Variants in PPHLN1 observed in about 807,000 individuals in gnomAD.
PPHLN1 encodes the protein periphilin-1.
A neutral mutation model predicts 51.3 loss-of-function variants in PPHLN1; 29 were observed. The ratio of observed to expected loss-of-function variants is 0.57; its 90% CI spans 0.42 to 0.77. The LOEUF (loss-of-function observed/expected upper bound fraction) is 0.77. Among genes scored for constraint, PPHLN1 ranks in the 30% least tolerant of loss-of-function variants. PPHLN1 has a pLI of 0.00. For synonymous variants in PPHLN1, 147 were observed against 147.8 expected, an observed-to-expected ratio of 0.99 and a Z score of 0.04; for missense variants, 436 against 438.4, an observed-to-expected ratio of 0.99 and a Z score of 0.05.
chr12:42,414,728 A>G (rs564223241), intron 9 of PPHLN1, among the ~76,000 whole-genome samples: 5 of 152,268 alleles, frequency 3.3e-5, no homozygotes, highest in South Asian at 2.1e-4. Context: ...ACGAACAGCA[A>G]TAGTTTGACT....
At chr12:42,396,636 A>AAAAAAAAAAAAAAG (rs2078236311) in intron 8 of PPHLN1, among the ~76,000 whole-genome samples, 1 of 77,246 alleles carries the variant, frequency 1.3e-5, no homozygotes, top group Admixed American at 1.5e-4. Flanking sequence ...AAAAAAAAAA[A>AAAAAAAAAAAAAAG]AAAAAAAAAA....
At chr12:42,326,747 C>G (rs995105766) in intron 1 of PPHLN1, among the ~76,000 whole-genome samples, 1 of 152,170 alleles carries the variant, frequency 6.6e-6, no homozygotes, top group Non-Finnish European at 1.5e-5. Context: ...TCTATAATGG[C>G]TACGCACTGC....
chr12:42,352,904 C>T (rs1162467404), intron 3 of PPHLN1, among the ~76,000 whole-genome samples: 2 of 151,842 alleles, frequency 1.3e-5, no homozygotes, highest in Non-Finnish European at 2.9e-5. Context: ...GTCTGGCCAA[C>T]ATGGTGAAAC....
intron 9 of PPHLN1, chr12:42,432,131 AC>A (rs1272035816): frequency 8.1e-6 from 10 of 1,234,216 alleles, no homozygotes; most frequent in African/African-American, 1.5e-5. Context: ...TCCTGCTGTC[AC>A]GCTGATGTCG....
chr12:42,419,192 A>G (rs951793000), intron 9 of PPHLN1, among the ~76,000 whole-genome samples: 1 of 152,118 alleles, frequency 6.6e-6, no homozygotes, highest in Non-Finnish European at 1.5e-5. Flanking sequence ...ATTCTTTCAT[A>G]TGTGTGTTTT....
At chr12:42,433,504 T>C (rs556492688) in intron 9 of PPHLN1, 1 of 240,110 alleles carries the variant, frequency 4.2e-6, no homozygotes, top group Non-Finnish European at 8.2e-6. Context: ...TTCTATTTTT[T>C]AGTAGAGACG....
intron 1 of PPHLN1, among the ~76,000 whole-genome samples, chr12:42,333,047 G>A (rs1466613659): frequency 1.3e-5 from 2 of 152,078 alleles, no homozygotes; most frequent in Non-Finnish European, 2.9e-5. Context: ...AGAGGCAATT[G>A]CTGTTGCATT....
At position 42,352,035 on chromosome 12, in the gene PPHLN1, C is replaced by G. The variant is rs776469029; in HGVS notation, c.223C>G (p.Pro75Ala). ...TTTTTCTCATGATCGAAGAAGTGGT[C>G]CACCTCACAGAGGAGTATGTAAATT... ...RSFSHDRRSGPPHRGDESGYR... is the reference protein window; with the variant it reads ...RSFSHDRRSGAPHRGDESGYR... The change falls in exon 3 of 10, where the codon CCA becomes GCA. Residue 75 changes from proline to alanine, a missense_variant. By Grantham distance (27) the Pro-to-Ala change is conservative. Coordinates refer to ENST00000358314, the MANE Select transcript of PPHLN1 (RefSeq NM_201439.2). 1 of 1,527,710 alleles carries G rather than the reference C, an allele frequency of 6.5e-7. No individual in the cohort carries two copies. The highest frequency in any genetic ancestry group is 8.7e-7 in the Non-Finnish European group (1 of 1,143,706). The allele number at this position is 1,527,710 out of a possible 1,614,324, so 94.6% of individuals were successfully genotyped here. A position where few individuals can be genotyped will look rare whatever the true frequency, so the allele number is the denominator to read the frequency against.
downstream of PPHLN1, chr12:42,448,595 G>A (rs879688280): frequency 9.2e-5 from 14 of 152,140 alleles, no homozygotes; most frequent in Non-Finnish European, 2.1e-4. Context: ...AATTAAAAGT[G>A]CAAAATAAAG....
At chr12:42,394,359 CAGGT>C (rs2078005482) in intron 8 of PPHLN1, among the ~76,000 whole-genome samples, 1 of 152,020 alleles carries the variant, frequency 6.6e-6, no homozygotes, top group African/African-American at 2.4e-5. Context: ...TTTGACATGA[CAGGT>C]AGAGAATATA....
At chr12:42,411,370 TA>T (rs2079804763) in intron 9 of PPHLN1, among the ~76,000 whole-genome samples, 2 of 76,320 alleles carry the variant, frequency 2.6e-5, no homozygotes, top group African/African-American at 6.4e-5. Flanking sequence ...CTACAGCAGT[TA>T]CTACTGTTAC....
Position 42,335,953 on chromosome 12 carries a change from A to T in PPHLN1, c.51A>T (p.Ala17=). Residue 17 remains alanine (A), a synonymous_variant, in exon 2 of 10, where the codon GCA becomes GCT. Coordinates refer to ENST00000358314, the MANE Select transcript of PPHLN1 (RefSeq NM_201439.2). ...YEYERIPRER[A]PPRSHPSDGY... ...ATGAAAGAATTCCGAGAGAACGAGC[A>T]CCTCCTCGAAGTCATCCCAGTGTAA... is the stretch of plus-strand genomic sequence containing the variant. 6.3e-7 allele frequency: 1 copy of T among 1,586,880 alleles called. No homozygotes were observed. Among genetic ancestry groups the T allele is most frequent in the Non-Finnish European group, 8.6e-7 (1 of 1,164,984 alleles).
At chr12:42,409,469 G>A (rs138877429) in intron 9 of PPHLN1, among the ~76,000 whole-genome samples, 1 of 152,192 alleles carries the variant, frequency 6.6e-6, no homozygotes, top group East Asian at 1.9e-4. Flanking sequence ...TAATGTGCTT[G>A]GGAAACAGTC....
intron 9 of PPHLN1, among the ~76,000 whole-genome samples, chr12:42,437,803 T>C (rs1256083756): frequency 6.6e-6 from 1 of 152,198 alleles, no homozygotes; most frequent in Non-Finnish European, 1.5e-5. Flanking sequence ...ACAGCATAAT[T>C]TCATCTGCCT....
chr12:42,386,545 C>T (rs1046507465), intron 6 of PPHLN1, among the ~76,000 whole-genome samples: 3 of 152,188 alleles, frequency 2.0e-5, no homozygotes, highest in African/African-American at 7.2e-5. Context: ...GACTGCTTTG[C>T]TGTTAATCCA....
intron 9 of PPHLN1, among the ~76,000 whole-genome samples, chr12:42,427,291 T>G (rs1203828574): frequency 6.6e-6 from 1 of 152,204 alleles, no homozygotes; most frequent in African/African-American, 2.4e-5. Context: ...AAAAATTAAT[T>G]CAGTGTTTAC....
intron 9 of PPHLN1, 98 bp from the exon 10 acceptor site, chr12:42,441,217 T>C: frequency 7.0e-7 from 1 of 1,431,524 alleles, no homozygotes. Flanking sequence ...TGTGTCTCTC[T>C]TTTAGATGTC....
intron 1 of PPHLN1, among the ~76,000 whole-genome samples, chr12:42,330,581 C>T (rs553893781): frequency 6.6e-6 from 1 of 152,348 alleles, no homozygotes; most frequent in East Asian, 1.9e-4. Context: ...ACATCCTGCA[C>T]AGCCCTAGAT....
Position 42,441,734 on chromosome 12 carries a change from A to T in PPHLN1, c.*225A>T. On this transcript the variant is annotated 3_prime_UTR_variant, in exon 10 of 10. Transcript: ENST00000358314. ...TGGGGTTCACCATGTTGGCCAGGCT[A>T]GTCTCTAACTCCTGGCCTCAAGTGA... 8.6e-7 allele frequency: 1 copy of T among 1,166,294 alleles called. No homozygotes were observed. Among genetic ancestry groups the T allele is most frequent in the Non-Finnish European group, 1.1e-6 (1 of 925,680 alleles). The allele number at this position is 1,166,294 out of a possible 1,614,324, so 72.2% of individuals were successfully genotyped here.
Sources: allele counts gnomAD v4.1 joint callset (sites outside exome capture counted in the v4.1 genomes callset), GRCh38; gene constraint gnomAD v4.1.1; transcripts MANE v1.5; gene names NCBI Gene and HGNC (gene_info 2026-07-23, HGNC 2026-07-21).